Variants in SLC12A2 observed in about 807,000 individuals in gnomAD.
The protein encoded by SLC12A2 is Na-K-2Cl cotransporter 1.
A neutral mutation model predicts 136.3 loss-of-function variants in SLC12A2; 67 were observed. The ratio of observed to expected loss-of-function variants is 0.49; its 90% CI spans 0.40 to 0.60. The LOEUF is 0.60. SLC12A2 is among the 20% of genes least tolerant of loss of function. The pLI, the probability that SLC12A2 is intolerant of heterozygous loss-of-function variation, is 0.00. For synonymous variants in SLC12A2, 619 were observed against 562.9 expected (o/e 1.10, Z -1.41); for missense variants, 1,322 against 1,534.7 (o/e 0.86, Z 2.32).
At position 128,158,179 on chromosome 5, in the gene SLC12A2, T is replaced by G; in HGVS notation, c.2475+15T>G. The G allele has an allele frequency of 6.3e-7, 1 of 1,581,768 alleles. No homozygotes were observed. The highest frequency in any genetic ancestry group is 8.6e-7 in the Non-Finnish European group (1 of 1,163,148). ...ATGTACATATGGTAAGTATCAATTT[T>G]GTTTTCTTTTTCAAGTTTTTTTTTA... On this transcript the variant is annotated intron_variant, in intron 16 of 26. Coordinates refer to ENST00000262461, the MANE Select transcript of SLC12A2 (RefSeq NM_001046.3).
At position 128,138,587 on chromosome 5, in the gene SLC12A2, T is replaced by C; in HGVS notation, c.1409-10T>C. 6.2e-7 allele frequency: 1 copy of C among 1,602,758 alleles called. No individual in the cohort carries two copies. Among genetic ancestry groups the C allele is most frequent in the Non-Finnish European group, 8.5e-7 (1 of 1,176,776 alleles). On this transcript the variant is annotated splice_polypyrimidine_tract_variant and intron_variant, in intron 7 of 26. Transcript: ENST00000262461. ...TCCATTAATTGTCAAGAATATTTTG[T>C]TCTCTGCAGCTGAAATATTTAATGA...
chr5:128,185,818 A>G (rs1413806135), intron 26 of SLC12A2, among the ~76,000 whole-genome samples: 1 of 152,190 alleles, frequency 6.6e-6, no homozygotes, highest in Admixed American at 6.5e-5. Context: ...GTTTATAGAA[A>G]TACTTACTGT....
chr5:128,181,796 T>G (rs1480734579), intron 23 of SLC12A2, among the ~76,000 whole-genome samples: 1 of 152,122 alleles, frequency 6.6e-6, no homozygotes, highest in African/African-American at 2.4e-5. Context: ...TGCATGTGAC[T>G]TCAGGCTTTT....
In SLC12A2 at chr5:128,110,665, C is replaced by G. The variant is rs1001326235; in HGVS notation, c.757-2149C>G. ...TGTTGTGCTGAAGCCAAGACTCCGTCTACTATGAACATTTTTACAATGAGC... is the reference window on the plus strand; with the variant it reads ...TGTTGTGCTGAAGCCAAGACTCCGTGTACTATGAACATTTTTACAATGAGC... On this transcript the variant is annotated intron_variant, in intron 1 of 26. Coordinates refer to ENST00000262461, the MANE Select transcript of SLC12A2 (RefSeq NM_001046.3). 21 of 1,265,736 alleles carry G rather than the reference C, an allele frequency of 1.7e-5. 1 individual carries two copies. In the African/African-American group the frequency reaches 1.8e-4, roughly 11 times the overall value. 78.4% of individuals were successfully genotyped at this position (1,265,736 alleles called of 1,614,324 possible). A position where few individuals can be genotyped will look rare whatever the true frequency, so the allele number is the denominator to read the frequency against.
rs1485381198 is a variant in SLC12A2, at chr5:128,134,202, T to C, written c.1226T>C (p.Ile409Thr). Reference sequence around the variant, plus strand: ...CTTATGATAGATGAAATCAATGATATCCGAATTATTGGAGCCATTACAGTC... The same window carrying C: ...CTTATGATAGATGAAATCAATGATACCCGAATTATTGGAGCCATTACAGTC... Reference protein sequence around the residue: ...SILMIDEINDIRIIGAITVVI... With the variant: ...SILMIDEINDTRIIGAITVVI... Residue 409 changes from isoleucine (I) to threonine (T), a missense_variant, in exon 6 of 27, where the codon ATC becomes ACC. This residue lies in a region of SLC12A2 where 110 missense variants were observed against 114.5 expected (regional missense o/e 0.96). Coordinates refer to ENST00000262461, the MANE Select transcript of SLC12A2 (RefSeq NM_001046.3). 6.2e-6 allele frequency: 10 copies of C among 1,604,154 alleles called. No homozygotes were observed. The highest frequency in any genetic ancestry group is 1.7e-5 in the Admixed American group (1 of 59,962).
At position 128,112,868 on chromosome 5, in the gene SLC12A2, G is replaced by A; in HGVS notation, c.811G>A (p.Ala271Thr). Residue 271 changes from alanine to threonine, a missense_variant, in exon 2 of 27, where the codon GCT becomes ACT. Around this residue, in one of 8 missense-constraint regions of SLC12A2, gnomAD observed 59 missense variants for 51.5 expected, o/e 1.15. Coordinates refer to ENST00000262461, the MANE Select transcript of SLC12A2 (RefSeq NM_001046.3). The part of the protein sequence containing the change: ...NGEESTPTRD[A>T]VVTYTAESKG... ...GGAAGAAAGTACTCCAACCAGAGAT[G>A]CTGTGGTCACGTATACTGCAGAAAG... is the stretch of plus-strand genomic sequence containing the variant. The A allele has an allele frequency of 6.2e-7, 1 of 1,612,640 alleles. No individual in the cohort carries two copies. Among genetic ancestry groups the A allele is most frequent in the South Asian group, 1.1e-5 (1 of 91,004 alleles).
At chr5:128,085,764 G>T (rs1760079795) in intron 1 of SLC12A2, among the ~76,000 whole-genome samples, 1 of 152,136 alleles carries the variant, frequency 6.6e-6, no homozygotes, top group Non-Finnish European at 1.5e-5. Context: ...ATGATTATTT[G>T]ATCTCATACA....
chr5:128,095,150 G>C (rs1760479056), intron 1 of SLC12A2, among the ~76,000 whole-genome samples: 1 of 152,088 alleles, frequency 6.6e-6, no homozygotes, highest in African/African-American at 2.4e-5. Flanking sequence ...TGGAACATTA[G>C]GTTCTCAATG....
At chr5:128,115,356 C>T (rs1048356200) in intron 4 of SLC12A2, among the ~76,000 whole-genome samples, 1 of 152,178 alleles carries the variant, frequency 6.6e-6, no homozygotes, top group African/African-American at 2.4e-5. Context: ...AACTCCTGAC[C>T]TCAGGTAATT....
rs375675214 is a variant in SLC12A2, at chr5:128,180,913, C to T, written c.3131C>T (p.Thr1044Met). ...GLTLLIPYLL[T>M]TKKKWKDCKI... is the part of the protein sequence containing the mutation. ...ACCTTATTGATACCTTACCTTCTGACGACCAAGAAAAAATGGAAAGACTGT... is the reference window on the plus strand; with the variant it reads ...ACCTTATTGATACCTTACCTTCTGATGACCAAGAAAAAATGGAAAGACTGT... Residue 1044 changes from threonine (T) to methionine (M), a missense_variant, in exon 23 of 27, where the codon ACG becomes ATG. By Grantham distance (81) the Thr-to-Met change is moderately conservative. Transcript: ENST00000262461. 3 of 1,609,280 alleles carry T rather than the reference C, an allele frequency of 1.9e-6. No homozygotes were observed. The highest frequency in any genetic ancestry group is 1.3e-5 in the African/African-American group (1 of 74,736).
intron 9 of SLC12A2, among the ~76,000 whole-genome samples, chr5:128,139,598 G>A (rs940039062): frequency 9.9e-5 from 15 of 152,262 alleles, no homozygotes; most frequent in South Asian, 6.2e-4. Flanking sequence ...TTGTTTTAGA[G>A]AATTGTTTTC....
chr5:128,173,130 G>A (rs545067325), intron 19 of SLC12A2, among the ~76,000 whole-genome samples: 26 of 152,212 alleles, frequency 1.7e-4, no homozygotes, highest in African/African-American at 6.3e-4. Flanking sequence ...AAATACGTAA[G>A]AGGTATCTGC....
Position 128,148,770 on chromosome 5 carries a change from A to G in SLC12A2, c.1898A>G (p.Asn633Ser). The change falls in exon 12 of 27, where the codon AAC (asparagine) becomes AGC (serine). Residue 633 changes from asparagine (N) to serine (S), a missense_variant. This residue lies in a region of SLC12A2 where 294 missense variants were observed against 436.6 expected (regional missense o/e 0.67). Transcript: ENST00000262461. Reference protein sequence around the residue: ...PKIFQALCKDNIYPAFQMFAK... With the variant: ...PKIFQALCKDSIYPAFQMFAK... Reference sequence around the variant, plus strand: ...TTTCATTAGGCTCTATGTAAGGACAACATCTACCCAGCTTTCCAGATGTTT... The same window carrying G: ...TTTCATTAGGCTCTATGTAAGGACAGCATCTACCCAGCTTTCCAGATGTTT... The G allele has an allele frequency of 6.3e-7, 1 of 1,599,512 alleles. No homozygotes were observed. Among genetic ancestry groups the G allele is most frequent in the Non-Finnish European group, 8.5e-7 (1 of 1,174,706 alleles).
chr5:128,134,172 C>G lies in SLC12A2; in HGVS notation c.1196C>G (p.Ser399Cys). 1 of 1,535,640 alleles carries G rather than the reference C, an allele frequency of 6.5e-7. No individual in the cohort carries two copies. The highest frequency in any genetic ancestry group is 1.1e-5 in the South Asian group (1 of 88,752). The change falls in exon 6 of 27, where the codon TCC (serine) becomes TGC (cysteine). Residue 399 changes from serine (S) to cysteine (C), a missense_variant. Physicochemically the swap from Ser to Cys is moderately radical, Grantham distance 112 (BLOSUM62 -1). Transcript: ENST00000262461. ...TATGATTCCTTTTTCTAGGAACATTCCATACTTATGATAGATGAAATCAAT... is the reference window on the plus strand; with the variant it reads ...TATGATTCCTTTTTCTAGGAACATTGCATACTTATGATAGATGAAATCAAT... Reference protein sequence around the residue: ...ETVVELLKEHSILMIDEINDI... With the variant: ...ETVVELLKEHCILMIDEINDI...
intron 7 of SLC12A2, among the ~76,000 whole-genome samples, chr5:128,136,350 G>T (rs1287419641): frequency 6.6e-6 from 1 of 152,130 alleles, no homozygotes; most frequent in Non-Finnish European, 1.5e-5. Flanking sequence ...CATTTGGAGG[G>T]TGCATGATGC....
intron 13 of SLC12A2, 34 bp downstream of exon 13, chr5:128,150,132 T>C (rs1762652993): frequency 2.3e-6 from 3 of 1,295,658 alleles, no homozygotes; most frequent in East Asian, 2.3e-5. Flanking sequence ...TTTGTAAATA[T>C]CATTTTTGAT....
intron 1 of SLC12A2, among the ~76,000 whole-genome samples, chr5:128,095,784 A>T (rs753176401): frequency 6.6e-6 from 1 of 152,050 alleles, no homozygotes; most frequent in Non-Finnish European, 1.5e-5. Flanking sequence ...AAAAGATTGG[A>T]TACTCCTGTC....
chr5:128,088,202 C>T (rs369637425), intron 1 of SLC12A2, among the ~76,000 whole-genome samples: 1 of 151,758 alleles, frequency 6.6e-6, no homozygotes, highest in South Asian at 2.1e-4. Flanking sequence ...GATTGAGGAG[C>T]CATTAGCAAA....
In SLC12A2 at chr5:128,083,806, C is replaced by G. The variant is rs551942974; in HGVS notation, c.-149C>G. 67 of 557,268 alleles carry G rather than the reference C, an allele frequency of 1.2e-4. No individual in the cohort carries two copies. In the Admixed American group the frequency reaches 1.7e-3, roughly 14 times the overall value. The allele number at this position is 557,268 out of a possible 1,614,324, so 34.5% of individuals were successfully genotyped here. On this transcript the variant is annotated 5_prime_UTR_variant, in exon 1 of 27. Coordinates refer to ENST00000262461, the MANE Select transcript of SLC12A2 (RefSeq NM_001046.3). ...CTCGGCTGCCGGTGGCCTCTGTGGC[C>G]GTCCAGGCTAGCGGCGGCCCGCAGG...
Sources: gnomAD v4.1 joint callset for allele counts (sites outside exome capture counted in the v4.1 genomes callset) on GRCh38, gnomAD v4.1.1 for gene constraint, gnomAD v4.1.1 regional missense constraint, MANE v1.5 for transcripts, NCBI Gene and HGNC (gene_info 2026-07-23, HGNC 2026-07-21) for gene names.